Variants in MTX2 observed in about 807,000 individuals in gnomAD.
The protein encoded by MTX2 is metaxin 2.
MTX2 carries 35 observed loss-of-function variants against 42.3 expected under a neutral mutation model. The observed-to-expected ratio is 0.83, with a 90% CI of 0.63 to 1.10. The LOEUF is 1.10. Ranked by LOEUF, MTX2 falls within the 50% of genes least tolerant of loss-of-function variation. The pLI is 0.00. For synonymous variants in MTX2, 119 were observed against 100.9 expected (o/e 1.18, Z -1.08); for missense variants, 307 against 304.1 (o/e 1.01, Z -0.07).
intron 1 of MTX2, among the ~76,000 whole-genome samples, chr2:176,273,120 G>C (rs750628007): frequency 1.2e-4 from 19 of 152,180 alleles, no homozygotes; most frequent in Non-Finnish European, 1.9e-4. Flanking sequence ...TGAGAGGGCT[G>C]AACTTGCTTT....
At chr2:176,291,093 G>A (rs1173434262) in intron 1 of MTX2, among the ~76,000 whole-genome samples, 1 of 151,948 alleles carries the variant, frequency 6.6e-6, no homozygotes, top group Admixed American at 6.6e-5. Flanking sequence ...AAATCATAAA[G>A]TTGTTAATTG....
chr2:176,269,799 G>C, intron 1 of MTX2, 130 bp downstream of exon 1: 1 of 1,141,358 alleles, frequency 8.8e-7, no homozygotes, highest in South Asian at 1.6e-5. Flanking sequence ...GTGGAGGCGG[G>C]CACGGACTAC....
chr2:176,290,643 A>G (rs953453492), intron 1 of MTX2, among the ~76,000 whole-genome samples: 3 of 152,278 alleles, frequency 2.0e-5, no homozygotes, highest in Admixed American at 6.5e-5. Flanking sequence ...TTACATATGA[A>G]GACAGTTATA....
chr2:176,271,802 A>G lies in MTX2; in HGVS notation c.40+2133A>G, dbSNP rs116497776. Reference sequence around the variant, plus strand: ...AGACCAGTACTTAAAGAAATACACAATGATATTAATTGCAGCATTATTTGT... The same window carrying G: ...AGACCAGTACTTAAAGAAATACACAGTGATATTAATTGCAGCATTATTTGT... On this transcript the variant is annotated intron_variant, in intron 1 of 9. Coordinates refer to ENST00000249442, the MANE Select transcript of MTX2 (RefSeq NM_006554.5). 5.8e-3 allele frequency among the ~76,000 whole-genome samples: 884 copies of G among 152,332 alleles called. 4 individuals carry two copies. The highest frequency in any genetic ancestry group is 0.02 in the African/African-American group (831 of 41,582).
chr2:176,337,587 T>C lies in MTX2; in HGVS notation c.715T>C (p.Tyr239His). The change falls in exon 10 of 10, where the codon TAT becomes CAT. Residue 239 changes from tyrosine to histidine, a missense_variant. Transcript: ENST00000249442. ...TGAACTTTCTGAGAAGGTGAAAAAC[T>C]ATAGCAACCTCCTTGCTTTCTGTAG... The part of the protein sequence containing the change: ...NDELSEKVKN[Y>H]SNLLAFCRRI... 6.2e-7 allele frequency: 1 copy of C among 1,613,550 alleles called. No individual in the cohort carries two copies. The highest frequency in any genetic ancestry group is 1.1e-5 in the South Asian group (1 of 91,010).
intron 3 of MTX2, among the ~76,000 whole-genome samples, chr2:176,305,958 C>T (rs1684132505): frequency 6.6e-6 from 1 of 152,044 alleles, no homozygotes; most frequent in African/African-American, 2.4e-5. Flanking sequence ...TACATGTGCA[C>T]AATGTGCAGG....
chr2:176,327,618 T>C (rs1684740822), intron 5 of MTX2, among the ~76,000 whole-genome samples: 1 of 149,900 alleles, frequency 6.7e-6, no homozygotes, highest in Non-Finnish European at 1.5e-5. Flanking sequence ...TTGGATAAAT[T>C]AGAATTTTAT....
chr2:176,317,038 T>TAAAAA (rs1225860273), intron 3 of MTX2, among the ~76,000 whole-genome samples: 1 of 144,316 alleles, frequency 6.9e-6, no homozygotes, highest in African/African-American at 2.6e-5. Context: ...GTGTCTTTTT[T>TAAAAA]AAAAAAAAAA....
chr2:176,272,176 C>T (rs1333413898), intron 1 of MTX2, among the ~76,000 whole-genome samples: 1 of 152,056 alleles, frequency 6.6e-6, no homozygotes, highest in East Asian at 1.9e-4. Context: ...AAAATCTAAT[C>T]TTTTTGGGGA....
intron 1 of MTX2, among the ~76,000 whole-genome samples, chr2:176,274,458 A>G (rs990195424): frequency 6.6e-6 from 1 of 152,236 alleles, no homozygotes; most frequent in Non-Finnish European, 1.5e-5. Context: ...AATTTACTTA[A>G]GTAGTATTAC....
rs776915695 is a variant in MTX2, at chr2:176,328,301, TCTTA to T, written c.295_298del (p.Leu99ValfsTer12). On this transcript the variant is annotated frameshift_variant, in exon 6 of 10. Transcript: ENST00000249442. LOFTEE classifies it high-confidence loss of function. ...TTTTAAATTCCCTTTAGGGCCATTCTCTTAGTGATGGGCTGGAGGAAGTCCAAAA... is the reference window on the plus strand; with the variant it reads ...TTTTAAATTCCCTTTAGGGCCATTCTGTGATGGGCTGGAGGAAGTCCAAAA... 8.3e-6 allele frequency: 13 copies of T among 1,567,752 alleles called. No homozygotes were observed. The highest frequency in any genetic ancestry group is 1.1e-5 in the Non-Finnish European group (13 of 1,160,398).
intron 2 of MTX2, 86 bp from the exon 3 acceptor site, chr2:176,297,763 A>G: frequency 1.3e-6 from 1 of 782,918 alleles, no homozygotes; most frequent in East Asian, 3.2e-5. Flanking sequence ...GGTAGGCGAT[A>G]CCTTTGAATA....
chr2:176,285,280 C>G (rs1331654378), intron 1 of MTX2, among the ~76,000 whole-genome samples: 1 of 152,138 alleles, frequency 6.6e-6, no homozygotes, highest in African/African-American at 2.4e-5. Context: ...ATGTCAAGCA[C>G]TTACATGTAC....
chr2:176,323,444 C>A lies in MTX2; in HGVS notation c.188C>A (p.Ala63Glu), dbSNP rs941170468. 1.2e-5 allele frequency: 20 copies of A among 1,610,796 alleles called. No individual in the cohort carries two copies. The highest frequency in any genetic ancestry group is 1.5e-5 in the Non-Finnish European group (18 of 1,177,970). Residue 63 changes from alanine to glutamate, a missense_variant, in exon 4 of 10, where the codon GCA (alanine) becomes GAA (glutamate). Physicochemically the swap from Ala to Glu is moderately radical, Grantham distance 107 (BLOSUM62 -1). Coordinates refer to ENST00000249442, the MANE Select transcript of MTX2 (RefSeq NM_006554.5). ...ATCAAAGTAGTTTGTAGGGCAAATG[C>A]AGAATATATGTCTCCATCTGGTAAG... is the stretch of plus-strand genomic sequence containing the variant. Reference protein sequence around the residue: ...LPIKVVCRANAEYMSPSGKVP... With the variant: ...LPIKVVCRANEEYMSPSGKVP...
At chr2:176,273,486 A>G (rs1692872472) in intron 1 of MTX2, among the ~76,000 whole-genome samples, 2 of 152,136 alleles carry the variant, frequency 1.3e-5, no homozygotes, top group African/African-American at 4.8e-5. Flanking sequence ...AGTGTATCCA[A>G]CACTTTGCTT....
chr2:176,320,531 T>C (rs1444302537), intron 3 of MTX2, among the ~76,000 whole-genome samples: 1 of 152,092 alleles, frequency 6.6e-6, no homozygotes, highest in East Asian at 1.9e-4. Flanking sequence ...TTTCTCCTTC[T>C]ATTTCGTAAA....
intron 3 of MTX2, among the ~76,000 whole-genome samples, chr2:176,320,316 G>A (rs1684548481): frequency 6.6e-6 from 1 of 151,894 alleles, no homozygotes; most frequent in Admixed American, 6.6e-5. Context: ...GTGAAATACA[G>A]CATTTTGGAA....
intron 3 of MTX2, among the ~76,000 whole-genome samples, chr2:176,321,128 C>T (rs867075530): frequency 6.6e-6 from 1 of 152,064 alleles, no homozygotes; most frequent in Non-Finnish European, 1.5e-5. Flanking sequence ...GGCAACTCTT[C>T]TCCTCCCTTC....
At chr2:176,327,924 A>AT (rs930466942) in intron 5 of MTX2, among the ~76,000 whole-genome samples, 1 of 150,888 alleles carries the variant, frequency 6.6e-6, no homozygotes, top group Non-Finnish European at 1.5e-5. Context: ...TTACAAACGT[A>AT]TTTTTTTCAT....
Sources: allele counts gnomAD v4.1 joint callset (sites outside exome capture counted in the v4.1 genomes callset), GRCh38; gene constraint gnomAD v4.1.1; transcripts MANE v1.5; gene names NCBI Gene and HGNC (gene_info 2026-07-23, HGNC 2026-07-21).